LRRC43: variants seen among roughly 807,000 people sequenced by gnomAD.
The protein encoded by LRRC43 is leucine rich repeat containing 43, also known as leucine-rich repeat-containing protein 43.
A neutral mutation model predicts 64.3 loss-of-function variants in LRRC43; 62 were observed. The ratio of observed to expected loss-of-function variants is 0.96; its 90% CI spans 0.79 to 1.19. LRRC43 has a LOEUF of 1.19. Ranked by LOEUF, LRRC43 falls within the 50% of genes most tolerant of loss-of-function variation. The probability of loss-of-function intolerance (pLI) is 0.00; values close to 1 mark genes in which losing one functional copy is unlikely to be tolerated. For missense variants in LRRC43, 868 were observed against 845.0 expected (o/e 1.03, Z -0.34); for synonymous variants, 422 against 382.3 (o/e 1.10, Z -1.21).
chr12:122,169,381 A>G (rs904438916), intron 1 of LRRC43, among the ~76,000 whole-genome samples: 1 of 152,008 alleles, frequency 6.6e-6, no homozygotes, highest in African/African-American at 2.4e-5. Flanking sequence ...TCTAATGATG[A>G]TTTTCTATTT....
At chr12:122,168,373 GGAGATTGTAATGAGCC>G (rs1156610848) in intron 1 of LRRC43, among the ~76,000 whole-genome samples, 3 of 151,722 alleles carry the variant, frequency 2.0e-5, no homozygotes, top group African/African-American at 7.3e-5. Context: ...CCTGGGACGT[GGAGATTGTAATGAGCC>G]GAGATTGCAT....
Position 122,190,111 on chromosome 12 carries a change from G to C in LRRC43, c.663-19G>C. The C allele has an allele frequency of 6.2e-7, 1 of 1,604,774 alleles. No individual in the cohort carries two copies. Among genetic ancestry groups the C allele is most frequent in the Non-Finnish European group, 8.5e-7 (1 of 1,171,646 alleles). On this transcript the variant is annotated intron_variant, in intron 4 of 11. Transcript: ENST00000339777. ...TCACCTGGCTTCTTGACCCCCAGAC[G>C]GTCCTGCTCACCTTCCAGGCCCAAC... is the stretch of plus-strand genomic sequence containing the variant.
intron 1 of LRRC43, among the ~76,000 whole-genome samples, chr12:122,177,816 ATTTAT>A (rs969540258): frequency 2.2e-5 from 3 of 139,064 alleles, no homozygotes; most frequent in African/African-American, 6.1e-5. Context: ...TTGTGGTTTT[ATTTAT>A]TTATTTATTT....
chr12:122,177,138 ATTACTATTCAGT>A (rs1400240530), intron 1 of LRRC43, among the ~76,000 whole-genome samples: 1 of 152,048 alleles, frequency 6.6e-6, no homozygotes. Flanking sequence ...TGTAGTCATG[ATTACTATTCAGT>A]TTACCTAAAA....
rs1953706009 is a variant in LRRC43, at chr12:122,190,496, A to G, written c.901+128A>G. ...TCCCCATTTGACCCAGACCCTATTC[A>G]GGTATAGCCTCTCTTCTGGGTCAGA... On this transcript the variant is annotated intron_variant, in intron 5 of 11. Transcript: ENST00000339777. 23 of 688,414 alleles carry G rather than the reference A, an allele frequency of 3.3e-5. No individual in the cohort carries two copies. In the South Asian group the frequency reaches 3.6e-4, roughly 11 times the overall value. The allele number at this position is 688,414 out of a possible 1,614,324, so 42.6% of individuals were successfully genotyped here. A position where few individuals can be genotyped will look rare whatever the true frequency, so the allele number is the denominator to read the frequency against.
At chr12:122,201,443 G>C (rs1419683838) in intron 11 of LRRC43, 114 bp downstream of exon 11, 9 of 893,434 alleles carry the variant, frequency 1.0e-5, no homozygotes, top group African/African-American at 3.3e-5. Flanking sequence ...TTCTGGCCTG[G>C]GGAGAGGCCA....
rs577498268 is a variant in LRRC43 at position 122,186,719 on chromosome 12, G to A, written c.522+419G>A. On this transcript the variant is annotated intron_variant, in intron 3 of 11. Transcript: ENST00000339777. ...GGATCACCTGAGGTCAGGAGTTTGA[G>A]ACCAGCCTGGCCAACATGGCGAAAC... 5.3e-5 allele frequency among the ~76,000 whole-genome samples: 8 copies of A among 152,274 alleles called. No homozygotes were observed. In the East Asian group the frequency reaches 1.5e-3, roughly 29 times the overall value.
chr12:122,199,278 CTT>C (rs1165454881), intron 7 of LRRC43, among the ~76,000 whole-genome samples: 5 of 86,150 alleles, frequency 5.8e-5, no homozygotes, highest in African/African-American at 1.7e-4. Flanking sequence ...ATTGTTTCAG[CTT>C]TTTTTTTTTT....
Position 122,192,802 on chromosome 12 carries a change from G to C in LRRC43, c.1147G>C (p.Val383Leu). 6.2e-7 allele frequency: 1 copy of C among 1,614,118 alleles called. No homozygotes were observed. The highest frequency in any genetic ancestry group is 1.6e-4 in the Middle Eastern group (1 of 6,062). The change falls in exon 7 of 12, where the codon GTG becomes CTG. Residue 383 changes from valine to leucine, a missense_variant. Transcript: ENST00000339777. ...AGTTGAGGAATCTCCTGAAGAGGTCGTGGAAGACGTCATCGAAGACATTGT... is the reference window on the plus strand; with the variant it reads ...AGTTGAGGAATCTCCTGAAGAGGTCCTGGAAGACGTCATCGAAGACATTGT... Reference protein sequence around the residue: ...LLVEESPEEVVEDVIEDIVEE... With the variant: ...LLVEESPEEVLEDVIEDIVEE...
chr12:122,189,974 G>C (rs141814942), intron 4 of LRRC43, 156 bp from the exon 5 acceptor site: 4 of 700,998 alleles, frequency 5.7e-6, no homozygotes, highest in Non-Finnish European at 1.0e-5. Context: ...ACTCGTTCCC[G>C]ACCCGGGGTT....
chr12:122,199,283 T>G (rs1253049941), intron 7 of LRRC43, among the ~76,000 whole-genome samples: 2 of 138,560 alleles, frequency 1.4e-5, no homozygotes, highest in South Asian at 2.4e-4. Context: ...TTCAGCTTTT[T>G]TTTTTTTTTT....
At chr12:122,201,755 A>C (rs1953841635) in intron 11 of LRRC43, among the ~76,000 whole-genome samples, 1 of 152,156 alleles carries the variant, frequency 6.6e-6, no homozygotes, top group African/African-American at 2.4e-5. Context: ...GGAGGGAGAG[A>C]AAGGAGACAG....
intron 11 of LRRC43, chr12:122,202,389 C>A (rs1003776980): frequency 6.6e-5 from 10 of 151,990 alleles, no homozygotes; most frequent in Non-Finnish European, 1.2e-4. Context: ...AATATAATTT[C>A]TTTAATATTA....
At chr12:122,181,272 G>A (rs990611979), upstream of LRRC43, among the ~76,000 whole-genome samples, 5 of 151,852 alleles carry the variant, frequency 3.3e-5, no homozygotes, top group South Asian at 2.1e-4. Flanking sequence ...GGCTGGGCCC[G>A]GTGGCTCATG....
chr12:122,177,615 T>C (rs1953547841), intron 1 of LRRC43, among the ~76,000 whole-genome samples: 1 of 151,676 alleles, frequency 6.6e-6, no homozygotes, highest in Non-Finnish European at 1.5e-5. Flanking sequence ...AGCAGCCCTC[T>C]TACCCCAGCC....
At chr12:122,172,620 C>T in intron 1 of LRRC43, 1 of 1,614,104 alleles carries the variant, frequency 6.2e-7, no homozygotes, top group Admixed American at 1.7e-5. Flanking sequence ...GTCTAGCTGT[C>T]TGATTGTCTT....
chr12:122,190,409 C>G (rs757006329), intron 5 of LRRC43, 41 bp downstream of exon 5: 2 of 1,515,588 alleles, frequency 1.3e-6, no homozygotes, highest in Non-Finnish European at 1.8e-6. Context: ...GCATGTGACA[C>G]CCCAGCCTGC....
At chr12:122,170,472 A>G (rs1027542190) in intron 1 of LRRC43, among the ~76,000 whole-genome samples, 7 of 152,036 alleles carry the variant, frequency 4.6e-5, no homozygotes, top group African/African-American at 1.7e-4. Flanking sequence ...TCTACTAAAA[A>G]TACAAAAAAT....
chr12:122,194,385 G>A (rs142696041), intron 7 of LRRC43, among the ~76,000 whole-genome samples: 2 of 151,564 alleles, frequency 1.3e-5, no homozygotes, highest in East Asian at 1.9e-4. Context: ...TGACCAACAT[G>A]GTGAAACACC....
Sources: gnomAD v4.1 joint callset for allele counts (sites outside exome capture counted in the v4.1 genomes callset) on GRCh38, gnomAD v4.1.1 for gene constraint, MANE v1.5 for transcripts, NCBI Gene and HGNC (gene_info 2026-07-23, HGNC 2026-07-21) for gene names.